The following KIRREL3 variants were observed in gnomAD, a reference collection of about 807,000 sequenced individuals.
KIRREL3 encodes the protein kin of IRRE-like protein 3.
In KIRREL3, 36 loss-of-function variants were observed where a neutral mutation model predicts 89.7. That is an observed-to-expected ratio of 0.40 (90% CI 0.31 to 0.53). The LOEUF (loss-of-function observed/expected upper bound fraction) is 0.53, where lower values mean the gene tolerates loss of function less well. KIRREL3 is among the 20% of genes least tolerant of loss of function. KIRREL3 has a pLI of 0.49. For synonymous variants in KIRREL3, 445 were observed against 441.4 expected, an observed-to-expected ratio of 1.01 and a Z score of -0.10; for missense variants, 864 against 1,056.6, an observed-to-expected ratio of 0.82 and a Z score of 2.53.
rs1427953667 is a variant in KIRREL3, at chr11:126,576,739, G to A, written c.56-13827C>T. Among the ~76,000 whole-genome samples, 2 of 152,160 alleles carry A rather than the reference G, an allele frequency of 1.3e-5. No individual in the cohort carries two copies. Among genetic ancestry groups the A allele is most frequent in the Non-Finnish European group, 2.9e-5 (2 of 68,036 alleles). On this transcript the variant is annotated intron_variant, in intron 1 of 16. Transcript: ENST00000525144. This position sits in a 1 kb window ranked among gnomAD's most constrained non-coding sequence, Gnocchi z 5.4. ...ATTAATTTGCTTCCTTTCTTCTCAG[G>A]CACTTAGATTTTTGATGCACACTGA...
At position 126,970,180 on chromosome 11, in the gene KIRREL3, G is replaced by A. The variant is rs183193992; in HGVS notation, c.55+30275C>T. Among the ~76,000 whole-genome samples the A allele has an allele frequency of 9.8e-4, 149 of 152,170 alleles. No individual in the cohort carries two copies. Among genetic ancestry groups the A allele is most frequent in the African/African-American group, 3.2e-3 (133 of 41,522 alleles). ...AAATTCTTTCTTCTTTCAGTTTTTC[G>A]CTCTTCACAGCTCAGTTAATTCCAC... On this transcript the variant is annotated intron_variant, in intron 1 of 16. Coordinates refer to ENST00000525144, the MANE Select transcript of KIRREL3 (RefSeq NM_032531.4). The surrounding 1 kb of genome is among the most constrained non-coding windows in gnomAD (Gnocchi z 4.4).
In KIRREL3 at chr11:126,492,952, G is replaced by A. The variant is rs532640070; in HGVS notation, c.434-19486C>T. 6.6e-6 allele frequency among the ~76,000 whole-genome samples: 1 copy of A among 152,328 alleles called. No homozygotes were observed. The highest frequency in any genetic ancestry group is 1.9e-4 in the East Asian group (1 of 5,178). ...ATGCCGCAGAACTTCCTGGCCGTGG[G>A]CTGAGTGACCCAAAAGGCCGTAGAA... On this transcript the variant is annotated intron_variant, in intron 4 of 16. Transcript: ENST00000525144. This position sits in a 1 kb window ranked among gnomAD's most constrained non-coding sequence, Gnocchi z 4.8.
At chr11:126,801,908 C>T (rs1354543707) in intron 1 of KIRREL3, among the ~76,000 whole-genome samples, 2 of 151,748 alleles carry the variant, frequency 1.3e-5, no homozygotes. Context: ...GTACTCCAAC[C>T]GGGCTACAGA....
Position 126,431,791 on chromosome 11 carries a change from G to A in KIRREL3, c.1589-265C>T, listed in dbSNP as rs931375492. ...AGGTAAAGGGCAGAGGAAGGAGAGC[G>A]AGGCAGGCAGACACGGAGAAGGGAG... On this transcript the variant is annotated intron_variant, in intron 13 of 16. Transcript: ENST00000525144. The surrounding 1 kb of genome is among the most constrained non-coding windows in gnomAD (Gnocchi z 7.1). Among the ~76,000 whole-genome samples the A allele has an allele frequency of 2.6e-5, 4 of 152,206 alleles. No homozygotes were observed. The East Asian group carries it at 5.8e-4, about 22-fold the overall frequency.
At position 126,574,461 on chromosome 11, in the gene KIRREL3, G is replaced by A. The variant is rs1419707646; in HGVS notation, c.56-11549C>T. ...CAACCTCAAACAGGTCCAGGGGAGCGATTCTGAGCCACCAGCCATCACTCA... is the reference window on the plus strand; with the variant it reads ...CAACCTCAAACAGGTCCAGGGGAGCAATTCTGAGCCACCAGCCATCACTCA... On this transcript the variant is annotated intron_variant, in intron 1 of 16. Transcript: ENST00000525144. This position sits in a 1 kb window ranked among gnomAD's most constrained non-coding sequence, Gnocchi z 5.3. Among the ~76,000 whole-genome samples, 3 of 152,166 alleles carry A rather than the reference G, an allele frequency of 2.0e-5. No homozygotes were observed. Among genetic ancestry groups the A allele is most frequent in the African/African-American group, 7.2e-5 (3 of 41,444 alleles).
rs117499471 is a variant in KIRREL3 at position 126,742,903 on chromosome 11, A to T, written c.56-179991T>A. On this transcript the variant is annotated intron_variant, in intron 1 of 16. Transcript: ENST00000525144. This position sits in a 1 kb window ranked among gnomAD's most constrained non-coding sequence, Gnocchi z 5.3. ...GATGGATCTGCATTAAGCAAAACCC[A>T]ATAACCAGGCACTTTCAGGTCAAAA... 1.6e-4 allele frequency among the ~76,000 whole-genome samples: 25 copies of T among 152,324 alleles called. No individual in the cohort carries two copies. Among genetic ancestry groups the T allele is most frequent in the Non-Finnish European group, 2.8e-4 (19 of 68,022 alleles).
In KIRREL3 at chr11:126,515,382, C is replaced by T. The variant is rs1033586673; in HGVS notation, c.433+5933G>A. 3.3e-5 allele frequency among the ~76,000 whole-genome samples: 5 copies of T among 152,000 alleles called. No homozygotes were observed. The highest frequency in any genetic ancestry group is 1.2e-4 in the African/African-American group (5 of 41,396). The stretch of plus-strand genomic sequence containing the variant: ...GGAGGATCGCTTGAGCCAGGGAGGT[C>T]GAGGCTGCAGTGAGCCATAATAGTG... On this transcript the variant is annotated intron_variant, in intron 4 of 16. Coordinates refer to ENST00000525144, the MANE Select transcript of KIRREL3 (RefSeq NM_032531.4). The surrounding 1 kb of genome is among the most constrained non-coding windows in gnomAD (Gnocchi z 4.2).
Position 126,555,132 on chromosome 11 carries a change from G to A in KIRREL3, c.133+7703C>T, listed in dbSNP as rs2134552221. Among the ~76,000 whole-genome samples the A allele has an allele frequency of 6.6e-6, 1 of 152,278 alleles. No individual in the cohort carries two copies. The highest frequency in any genetic ancestry group is 3.4e-3 in the Middle Eastern group (1 of 294). On this transcript the variant is annotated intron_variant, in intron 2 of 16. Transcript: ENST00000525144. This position sits in a 1 kb window ranked among gnomAD's most constrained non-coding sequence, Gnocchi z 4.2. ...TGGACAAGAAGCTGGGTGCCGAGAGGGCAGGAGCTTGGACACTGCTGTGGG... is the reference window on the plus strand; with the variant it reads ...TGGACAAGAAGCTGGGTGCCGAGAGAGCAGGAGCTTGGACACTGCTGTGGG...
rs1945895431 is a variant in KIRREL3 at position 126,890,946 on chromosome 11, T to TC, written c.55+109508dup. Among the ~76,000 whole-genome samples, 1 of 152,188 alleles carries TC rather than the reference T, an allele frequency of 6.6e-6. No individual in the cohort carries two copies. Among genetic ancestry groups the TC allele is most frequent in the Non-Finnish European group, 1.5e-5 (1 of 68,032 alleles). Reference sequence around the variant, plus strand: ...CCCAGGCTGATTCCAGTGCTGTTGGTCCCCCGCTTGGTTCATTACATTTCT... The same window carrying TC: ...CCCAGGCTGATTCCAGTGCTGTTGGTCCCCCCGCTTGGTTCATTACATTTCT... On this transcript the variant is annotated intron_variant, in intron 1 of 16. Transcript: ENST00000525144. This position sits in a 1 kb window ranked among gnomAD's most constrained non-coding sequence, Gnocchi z 5.1.
chr11:126,654,698 G>A (rs1336742670), intron 1 of KIRREL3, among the ~76,000 whole-genome samples: 2 of 152,164 alleles, frequency 1.3e-5, no homozygotes, highest in East Asian at 1.9e-4. Flanking sequence ...CCACACAGCC[G>A]ACATCGTGAG....
At position 126,747,792 on chromosome 11, in the gene KIRREL3, C is replaced by T. The variant is rs1331870718; in HGVS notation, c.56-184880G>A. Among the ~76,000 whole-genome samples, 1 of 152,038 alleles carries T rather than the reference C, an allele frequency of 6.6e-6. No homozygotes were observed. Among genetic ancestry groups the T allele is most frequent in the African/African-American group, 2.4e-5 (1 of 41,378 alleles). On this transcript the variant is annotated intron_variant, in intron 1 of 16. Coordinates refer to ENST00000525144, the MANE Select transcript of KIRREL3 (RefSeq NM_032531.4). The surrounding 1 kb of genome is among the most constrained non-coding windows in gnomAD (Gnocchi z 4.7). ...TGTGTGCAGAGAGTCATGTGAGAAC[C>T]CCTGTTCCCCTCCCTCTGCTTGGCA...
rs1949720739 is a variant in KIRREL3 at position 126,763,321 on chromosome 11, TAAAAC to T, written c.56-200414_56-200410del. Reference sequence around the variant, plus strand: ...TGGCTGAGGTGCCACTTTCGATACATAAAACAAGAGTCCACATCTGTGCCAAGGGC... The same window carrying T: ...TGGCTGAGGTGCCACTTTCGATACATAAGAGTCCACATCTGTGCCAAGGGC... On this transcript the variant is annotated intron_variant, in intron 1 of 16. Transcript: ENST00000525144. The surrounding 1 kb of genome is among the most constrained non-coding windows in gnomAD (Gnocchi z 4.7). Among the ~76,000 whole-genome samples, 1 of 152,148 alleles carries T rather than the reference TAAAAC, an allele frequency of 6.6e-6. No individual in the cohort carries two copies. The highest frequency in any genetic ancestry group is 1.5e-5 in the Non-Finnish European group (1 of 68,030).
In KIRREL3 at chr11:126,856,454, T is replaced by G. The variant is rs187926975; in HGVS notation, c.55+144001A>C. Among the ~76,000 whole-genome samples, 238 of 151,564 alleles carry G rather than the reference T, an allele frequency of 1.6e-3. 1 individual carries two copies. The highest frequency in any genetic ancestry group is 5.3e-3 in the African/African-American group (221 of 41,316). On this transcript the variant is annotated intron_variant, in intron 1 of 16. Coordinates refer to ENST00000525144, the MANE Select transcript of KIRREL3 (RefSeq NM_032531.4). ...GTAACACTTGCTCATGATAGAATAA[T>G]CAGACAAGTATAAAATTAAAATGAA... is the stretch of plus-strand genomic sequence containing the variant.
Position 126,906,131 on chromosome 11 carries a change from C to T in KIRREL3, c.55+94324G>A, listed in dbSNP as rs1286869349. Among the ~76,000 whole-genome samples, 1 of 152,226 alleles carries T rather than the reference C, an allele frequency of 6.6e-6. No homozygotes were observed. Among genetic ancestry groups the T allele is most frequent in the African/African-American group, 2.4e-5 (1 of 41,458 alleles). Reference sequence around the variant, plus strand: ...GCACACTCCAGCCCATCCTGCCCCTCTCTGAATTCCCTCACTCAGAGATAG... The same window carrying T: ...GCACACTCCAGCCCATCCTGCCCCTTTCTGAATTCCCTCACTCAGAGATAG... On this transcript the variant is annotated intron_variant, in intron 1 of 16. Transcript: ENST00000525144. The surrounding 1 kb of genome is among the most constrained non-coding windows in gnomAD (Gnocchi z 4.1).
At chr11:126,444,486 G>A (rs12364203) in intron 10 of KIRREL3, among the ~76,000 whole-genome samples, 4,115 of 152,316 alleles carry the variant, frequency 0.027, 81 homozygotes, top group Non-Finnish European at 0.042. Flanking sequence ...TTAGCTGGGC[G>A]TAGTGGCACG....
intron 1 of KIRREL3, among the ~76,000 whole-genome samples, chr11:126,923,733 C>T (rs1017632780): frequency 5.3e-5 from 8 of 152,100 alleles, no homozygotes; most frequent in East Asian, 1.9e-4. Context: ...CATGAGCCAC[C>T]GCACCTGGCC....
rs2134314339 is a variant in KIRREL3, at chr11:126,776,362, T to G, written c.56-213450A>C. ...AGTCAAAACACCTGGGCTTCAGGTC[T>G]GTCTTACGCAAGTCATGAAACCTCA... On this transcript the variant is annotated intron_variant, in intron 1 of 16. Coordinates refer to ENST00000525144, the MANE Select transcript of KIRREL3 (RefSeq NM_032531.4). The surrounding 1 kb of genome is among the most constrained non-coding windows in gnomAD (Gnocchi z 4.7). Among the ~76,000 whole-genome samples the G allele has an allele frequency of 6.6e-6, 1 of 152,336 alleles. No homozygotes were observed. Among genetic ancestry groups the G allele is most frequent in the East Asian group, 1.9e-4 (1 of 5,178 alleles).
chr11:126,610,073 G>GACAGC lies in KIRREL3; in HGVS notation c.56-47162_56-47161insGCTGT, dbSNP rs1943059918. On this transcript the variant is annotated intron_variant, in intron 1 of 16. Transcript: ENST00000525144. This position sits in a 1 kb window ranked among gnomAD's most constrained non-coding sequence, Gnocchi z 4.6. ...TCAGTTACAAAGTTAGGCCTGACCT[G>GACAGC]ACTCCAAAATCTGTGCTGTTAACTT... Among the ~76,000 whole-genome samples, 1 of 152,090 alleles carries GACAGC rather than the reference G, an allele frequency of 6.6e-6. No individual in the cohort carries two copies. The highest frequency in any genetic ancestry group is 2.4e-5 in the African/African-American group (1 of 41,404).
chr11:126,836,010 T>C (rs1193902342), intron 1 of KIRREL3, among the ~76,000 whole-genome samples: 2 of 152,176 alleles, frequency 1.3e-5, no homozygotes, highest in African/African-American at 2.4e-5. Context: ...TACACATTGA[T>C]ACCAGGAAAG....
Sources: gnomAD v4.1 joint callset for allele counts (sites outside exome capture counted in the v4.1 genomes callset) on GRCh38, gnomAD v4.1.1 for gene constraint, Gnocchi (gnomAD v3.1) non-coding constraint, MANE v1.5 for transcripts, NCBI Gene and HGNC (gene_info 2026-07-23, HGNC 2026-07-21) for gene names.